APP: variants seen among roughly 807,000 people sequenced by gnomAD.
The protein encoded by APP is amyloid-beta precursor protein.
In APP, 31 loss-of-function variants were observed where a neutral mutation model predicts 101.4. The ratio of observed to expected loss-of-function variants is 0.31; its 90% CI spans 0.23 to 0.41. The LOEUF is 0.41. APP is among the 10% of genes least tolerant of loss of function. APP has a pLI of 1.00. For synonymous variants in APP, 366 were observed against 364.4 expected, an observed-to-expected ratio of 1.00 and a Z score of -0.05; for missense variants, 839 against 1,003.7, an observed-to-expected ratio of 0.84 and a Z score of 2.22.
At chr21:26,035,718 T>C (rs2045075225) in intron 5 of APP, among the ~76,000 whole-genome samples, 1 of 152,154 alleles carries the variant, frequency 6.6e-6, no homozygotes, top group African/African-American at 2.4e-5. Context: ...GTACAGAGAA[T>C]GGCTTGGTGT....
At chr21:25,981,874 A>C (rs1439095038) in intron 9 of APP, among the ~76,000 whole-genome samples, 3 of 152,174 alleles carry the variant, frequency 2.0e-5, no homozygotes, top group Non-Finnish European at 1.5e-5. Flanking sequence ...TGTATCACTT[A>C]GGAGACTAGA....
intron 1 of APP, among the ~76,000 whole-genome samples, chr21:26,125,847 T>C (rs1203962672): frequency 2.0e-5 from 3 of 152,212 alleles, no homozygotes; most frequent in Admixed American, 2.0e-4. Context: ...TTTTCAAAAC[T>C]AGCATATGTT....
At chr21:26,014,985 CTATCT>C (rs1435070816) in intron 6 of APP, among the ~76,000 whole-genome samples, 1 of 152,152 alleles carries the variant, frequency 6.6e-6, no homozygotes, top group Non-Finnish European at 1.5e-5. Flanking sequence ...GCATCTAATA[CTATCT>C]TATCCAATTT....
At chr21:25,923,382 G>A (rs1264592096) in intron 13 of APP, among the ~76,000 whole-genome samples, 1 of 148,226 alleles carries the variant, frequency 6.7e-6, no homozygotes, top group Admixed American at 6.6e-5. Context: ...GGACAAATGG[G>A]ATCTAATTAA....
chr21:25,896,765 T>C (rs1486461644), intron 16 of APP, among the ~76,000 whole-genome samples: 13 of 152,214 alleles, frequency 8.5e-5, no homozygotes, highest in Non-Finnish European at 1.9e-4. Context: ...ACAAACCTTT[T>C]GATGAATAAC....
chr21:25,886,309 T>C (rs1027836678), intron 17 of APP, among the ~76,000 whole-genome samples: 3 of 152,100 alleles, frequency 2.0e-5, no homozygotes, highest in African/African-American at 7.3e-5. Flanking sequence ...TCTATAGTTA[T>C]ATATAACTAG....
At chr21:26,009,060 A>C (rs529848304) in intron 6 of APP, among the ~76,000 whole-genome samples, 1 of 152,230 alleles carries the variant, frequency 6.6e-6, no homozygotes, top group African/African-American at 2.4e-5. Context: ...ACTCGAATGG[A>C]TATCTCAGTT....
intron 3 of APP, among the ~76,000 whole-genome samples, chr21:26,082,188 C>G (rs2061612565): frequency 6.6e-6 from 1 of 152,138 alleles, no homozygotes; most frequent in Non-Finnish European, 1.5e-5. Flanking sequence ...CATTGCACTC[C>G]AGCCGGGGCA....
intron 13 of APP, among the ~76,000 whole-genome samples, chr21:25,937,263 T>C (rs987037056): frequency 6.6e-6 from 1 of 152,190 alleles, no homozygotes; most frequent in African/African-American, 2.4e-5. Context: ...GGATATACTT[T>C]AAGAAACAAG....
At chr21:26,011,925 C>T (rs2043823140) in intron 6 of APP, among the ~76,000 whole-genome samples, 1 of 152,262 alleles carries the variant, frequency 6.6e-6, no homozygotes, top group South Asian at 2.1e-4. Context: ...AAAGAGGCAA[C>T]CCTACTCTCA....
At chr21:26,092,502 G>A (rs998447463) in intron 2 of APP, among the ~76,000 whole-genome samples, 1 of 152,212 alleles carries the variant, frequency 6.6e-6, no homozygotes, top group African/African-American at 2.4e-5. Context: ...ATCAGTGGTT[G>A]CCACGGGTTT....
At chr21:26,157,393 G>A (rs567956682) in intron 1 of APP, among the ~76,000 whole-genome samples, 5 of 152,100 alleles carry the variant, frequency 3.3e-5, no homozygotes, top group Non-Finnish European at 5.9e-5. Flanking sequence ...TTAAAACTGC[G>A]GGATCAAAAT....
At chr21:26,027,445 G>C (rs1380577008) in intron 5 of APP, among the ~76,000 whole-genome samples, 1 of 152,200 alleles carries the variant, frequency 6.6e-6, no homozygotes, top group Non-Finnish European at 1.5e-5. Flanking sequence ...AAGGAAAGCA[G>C]TTTTTGAAAT....
At chr21:26,103,790 C>A (rs147682881) in intron 2 of APP, among the ~76,000 whole-genome samples, 2 of 152,150 alleles carry the variant, frequency 1.3e-5, no homozygotes, top group Non-Finnish European at 2.9e-5. Flanking sequence ...GACTAGCGTG[C>A]TCTAGGTCAG....
chr21:25,976,695 A>AT (rs1169598113), intron 9 of APP, among the ~76,000 whole-genome samples: 1 of 152,288 alleles, frequency 6.6e-6, no homozygotes, highest in South Asian at 2.1e-4. Flanking sequence ...GCAAACATGT[A>AT]TTTTTTTACA....
At chr21:26,082,282 T>A (rs1030884164) in intron 3 of APP, among the ~76,000 whole-genome samples, 2 of 152,196 alleles carry the variant, frequency 1.3e-5, no homozygotes, top group African/African-American at 4.8e-5. Flanking sequence ...TTCTTTGATA[T>A]GTTAAATGTT....
intron 4 of APP, among the ~76,000 whole-genome samples, chr21:26,052,127 T>C (rs2045862526): frequency 6.6e-6 from 1 of 152,212 alleles, no homozygotes; most frequent in Non-Finnish European, 1.5e-5. Context: ...ATACTAAATC[T>C]TCAGTGGTAT....
chr21:26,123,276 T>C (rs2062613217), intron 1 of APP, among the ~76,000 whole-genome samples: 1 of 152,248 alleles, frequency 6.6e-6, no homozygotes, highest in Non-Finnish European at 1.5e-5. Context: ...GTGGTTTTAT[T>C]ACTAGGATTT....
In APP at chr21:26,170,752, C is replaced by T; in HGVS notation, c.-132G>A. On this transcript the variant is annotated 5_prime_UTR_variant, in exon 1 of 18. Transcript: ENST00000346798. ...CGCTCCTCCGCGTGCTCTCGCCTAC[C>T]GCTGCCGAGGAAACTGACGGAGCCC... is the stretch of plus-strand genomic sequence containing the variant. 1 of 990,848 alleles carries T rather than the reference C, an allele frequency of 1.0e-6. No homozygotes were observed. The highest frequency in any genetic ancestry group is 1.4e-6 in the Non-Finnish European group (1 of 723,006). The allele number at this position is 990,848 out of a possible 1,614,324, so 61.4% of individuals were successfully genotyped here. A position where few individuals can be genotyped will look rare whatever the true frequency, so the allele number is the denominator to read the frequency against.
Sources: allele counts gnomAD v4.1 joint callset (sites outside exome capture counted in the v4.1 genomes callset), GRCh38; gene constraint gnomAD v4.1.1; transcripts MANE v1.5; gene names NCBI Gene and HGNC (gene_info 2026-07-23, HGNC 2026-07-21).